The following KLHL2 variants were observed in gnomAD, a reference collection of about 807,000 sequenced individuals.
The protein encoded by KLHL2 is kelch-like protein 2.
Under a neutral mutation model 75.8 loss-of-function variants are expected in KLHL2, and 15 were observed. The observed-to-expected ratio is 0.20, with a 90% CI of 0.13 to 0.30. The LOEUF is 0.30. KLHL2 is among the 10% of genes least tolerant of loss of function. The pLI is 1.00. For missense variants in KLHL2, 381 were observed against 741.0 expected (o/e 0.51, Z 5.64); for synonymous variants, 214 against 251.9 (o/e 0.85, Z 1.42).
At chr4:165,233,633 T>A (rs562138087) in intron 3 of KLHL2, among the ~76,000 whole-genome samples, 2 of 152,316 alleles carry the variant, frequency 1.3e-5, no homozygotes, top group South Asian at 4.1e-4. Context: ...TTATTGAGAA[T>A]CTTCTCTGCT....
chr4:165,312,660 C>A (rs1746295585), intron 11 of KLHL2, among the ~76,000 whole-genome samples: 1 of 152,178 alleles, frequency 6.6e-6, no homozygotes, highest in South Asian at 2.1e-4. Context: ...GTATCTTACC[C>A]AACCTTCAGC....
chr4:165,310,420 GATTT>G, intron 9 of KLHL2, 129 bp from the exon 10 acceptor site: 1 of 731,264 alleles, frequency 1.4e-6, no homozygotes, highest in Non-Finnish European at 2.4e-6. Context: ...CATTTTCAAG[GATTT>G]ATTTAATCAG....
chr4:165,277,774 C>CAA (rs1743252261), intron 5 of KLHL2: 1 of 617,262 alleles, frequency 1.6e-6, no homozygotes, highest in African/African-American at 1.8e-5. Flanking sequence ...CACACACACA[C>CAA]ACACACACAC....
Position 165,268,986 on chromosome 4 carries a change from G to C in KLHL2, c.544+5627G>C, listed in dbSNP as rs1742465937. Among the ~76,000 whole-genome samples the C allele has an allele frequency of 2.0e-5, 3 of 152,188 alleles. No homozygotes were observed. The South Asian group carries it at 6.2e-4, about 31-fold the overall frequency. ...TTAGGTCTCTAAGGACTTGCTTTAT[G>C]AATCTGGGTGCTTCTGTATTGGGTA... On this transcript the variant is annotated intron_variant, in intron 5 of 14. Coordinates refer to ENST00000226725, the MANE Select transcript of KLHL2 (RefSeq NM_007246.4).
intron 5 of KLHL2, among the ~76,000 whole-genome samples, chr4:165,271,798 C>G (rs2126345495): frequency 6.6e-6 from 1 of 152,320 alleles, no homozygotes; most frequent in African/African-American, 2.4e-5. Flanking sequence ...GGAATAGTTC[C>G]TGTGGAAGCT....
At chr4:165,313,837 T>C (rs1024845641) in intron 12 of KLHL2, among the ~76,000 whole-genome samples, 189 bp from the exon 13 acceptor site, 8 of 152,216 alleles carry the variant, frequency 5.3e-5, no homozygotes, top group Non-Finnish European at 8.8e-5. Flanking sequence ...AATAATAGTT[T>C]GTTGAGATGC....
rs567288088 is a variant in KLHL2, at chr4:165,236,402, G to A, written c.260-2376G>A. Among the ~76,000 whole-genome samples, 424 of 152,208 alleles carry A rather than the reference G, an allele frequency of 2.8e-3. 3 individuals carry two copies. The highest frequency in any genetic ancestry group is 9.6e-3 in the African/African-American group (399 of 41,536). On this transcript the variant is annotated intron_variant, in intron 3 of 14. Transcript: ENST00000226725. ...GTTTTTTTTCTGTTTGTTTTAAATA[G>A]GACAGAGTCTTGCTGTGTTGCCCAG...
chr4:165,296,521 GT>G (rs1208524785), intron 6 of KLHL2, among the ~76,000 whole-genome samples: 1 of 152,174 alleles, frequency 6.6e-6, no homozygotes, highest in Non-Finnish European at 1.5e-5. Flanking sequence ...AGTGTGGAGG[GT>G]TACTATATAA....
chr4:165,270,286 A>G (rs146073484), intron 5 of KLHL2, among the ~76,000 whole-genome samples: 2,225 of 152,206 alleles, frequency 0.015, 57 homozygotes, highest in African/African-American at 0.05. Flanking sequence ...AGCTCAGAGA[A>G]GTTTGTTATT....
intron 5 of KLHL2, among the ~76,000 whole-genome samples, chr4:165,287,441 T>C (rs956844858): frequency 2.6e-5 from 4 of 152,242 alleles, no homozygotes; most frequent in Non-Finnish European, 5.9e-5. Flanking sequence ...TTGTGAGTCA[T>C]GCTTCTGTGA....
intron 3 of KLHL2, among the ~76,000 whole-genome samples, chr4:165,237,665 C>G (rs1252015876): frequency 6.6e-6 from 1 of 152,156 alleles, no homozygotes; most frequent in African/African-American, 2.4e-5. Context: ...AGTGAGCTTT[C>G]AAGAAATCTT....
intron 4 of KLHL2, among the ~76,000 whole-genome samples, chr4:165,248,718 A>G (rs1467244466): frequency 2.6e-5 from 4 of 152,236 alleles, no homozygotes; most frequent in African/African-American, 9.6e-5. Flanking sequence ...CTGTTTCAGA[A>G]GAAAATAGCA....
intron 1 of KLHL2, among the ~76,000 whole-genome samples, chr4:165,216,189 TATC>T (rs1452072076): frequency 2.0e-5 from 3 of 152,176 alleles, no homozygotes; most frequent in East Asian, 3.9e-4. Context: ...AGAATTCAGT[TATC>T]ATCAATAGTG....
At chr4:165,263,600 GTT>G (rs1160707106) in intron 5 of KLHL2, among the ~76,000 whole-genome samples, 1 of 148,826 alleles carries the variant, frequency 6.7e-6, no homozygotes, top group Non-Finnish European at 1.5e-5. Context: ...GAATAGCTAG[GTT>G]TTTTTGTTTT....
chr4:165,239,281 T>G (rs1206181364), intron 4 of KLHL2, among the ~76,000 whole-genome samples: 3 of 144,436 alleles, frequency 2.1e-5, no homozygotes, highest in Non-Finnish European at 3.1e-5. Flanking sequence ...TTTTTTTTTT[T>G]GATACCCGAT....
At chr4:165,293,606 C>A (rs1378297666) in intron 5 of KLHL2, among the ~76,000 whole-genome samples, 5 of 151,508 alleles carry the variant, frequency 3.3e-5, no homozygotes, top group Non-Finnish European at 7.4e-5. Flanking sequence ...AGGTTCATTG[C>A]CATTCTCCTG....
intron 1 of KLHL2, among the ~76,000 whole-genome samples, chr4:165,212,647 A>G (rs1240300244): frequency 2.0e-5 from 3 of 152,116 alleles, no homozygotes; most frequent in Admixed American, 6.5e-5. Context: ...ACTTAATCTC[A>G]CTTAGTCTTG....
intron 5 of KLHL2, among the ~76,000 whole-genome samples, chr4:165,293,937 G>A (rs891849513): frequency 1.3e-5 from 2 of 152,030 alleles, no homozygotes; most frequent in East Asian, 3.9e-4. Context: ...ACCCTCTAAT[G>A]TTTCACATGA....
intron 4 of KLHL2, among the ~76,000 whole-genome samples, chr4:165,244,375 A>C (rs1740061621): frequency 6.6e-6 from 1 of 152,374 alleles, no homozygotes; most frequent in East Asian, 1.9e-4. Flanking sequence ...GGAGGAGCAG[A>C]CGTGTGCAAG....
Sources: gnomAD v4.1 joint callset for allele counts (sites outside exome capture counted in the v4.1 genomes callset) on GRCh38, gnomAD v4.1.1 for gene constraint, MANE v1.5 for transcripts, NCBI Gene and HGNC (gene_info 2026-07-23, HGNC 2026-07-21) for gene names.